The following MCF2L2 variants were observed in gnomAD, a reference collection of about 807,000 sequenced individuals.
MCF2L2 encodes the protein probable guanine nucleotide exchange factor MCF2L2.
Under a neutral mutation model 150.2 loss-of-function variants are expected in MCF2L2, and 102 were observed. The ratio of observed to expected loss-of-function variants is 0.68; its 90% CI spans 0.58 to 0.80. The LOEUF (loss-of-function observed/expected upper bound fraction) is 0.80, where lower values mean the gene tolerates loss of function less well. Among genes scored for constraint, MCF2L2 ranks in the 30% least tolerant of loss-of-function variants. The pLI is 0.00. For synonymous variants in MCF2L2, 465 were observed against 491.3 expected, an observed-to-expected ratio of 0.95 and a Z score of 0.71; for missense variants, 1,256 against 1,372.8, an observed-to-expected ratio of 0.91 and a Z score of 1.34.
intron 3 of MCF2L2, among the ~76,000 whole-genome samples, chr3:183,343,896 T>G (rs1239856313): frequency 5.9e-5 from 9 of 152,158 alleles, no homozygotes; most frequent in African/African-American, 2.2e-4. Flanking sequence ...ATTAGCCAGG[T>G]GCAGTGGCTC....
intron 15 of MCF2L2, among the ~76,000 whole-genome samples, chr3:183,231,638 T>C (rs1056878085): frequency 1.3e-5 from 2 of 151,630 alleles, no homozygotes; most frequent in Non-Finnish European, 2.9e-5. Context: ...TTTTTTTTTT[T>C]GGTAGAGATG....
chr3:183,271,168 G>T, intron 15 of MCF2L2: 1 of 368,646 alleles, frequency 2.7e-6, no homozygotes, highest in Non-Finnish European at 5.0e-6. Flanking sequence ...TATTATTAGT[G>T]AAAACAAAAC....
Position 183,311,006 on chromosome 3 carries a change from G to C in MCF2L2, c.902C>G (p.Thr301Arg). The change falls in exon 9 of 30, where the codon ACA becomes AGA. Residue 301 changes from threonine (T) to arginine (R), a missense_variant. Physicochemically the swap from Thr to Arg is moderately conservative, Grantham distance 71. Transcript: ENST00000328913. ...MERLLVQLDE[T>R]EKAFSHFWSE... is the part of the protein sequence containing the mutation. ...CCAAAAGTGACTAAAGGCTTTTTCTGTTTCATCCAGTTGAACTAATAACCT... is the reference window on the plus strand; with the variant it reads ...CCAAAAGTGACTAAAGGCTTTTTCTCTTTCATCCAGTTGAACTAATAACCT... 6 of 1,611,940 alleles carry C rather than the reference G, an allele frequency of 3.7e-6. No individual in the cohort carries two copies. Among genetic ancestry groups the C allele is most frequent in the Non-Finnish European group, 5.1e-6 (6 of 1,178,108 alleles).
At chr3:183,318,740 T>C (rs1036296830) in intron 6 of MCF2L2, among the ~76,000 whole-genome samples, 1 of 152,234 alleles carries the variant, frequency 6.6e-6, no homozygotes. Flanking sequence ...TTCTTTTGTG[T>C]CCTAGTGCAA....
chr3:183,251,484 T>G (rs1330144064), intron 15 of MCF2L2, among the ~76,000 whole-genome samples: 2 of 152,182 alleles, frequency 1.3e-5, no homozygotes, highest in African/African-American at 4.8e-5. Context: ...GTGCCTTATC[T>G]ATCCCTGCCG....
At chr3:183,425,955 CAAA>C (rs58526088) in intron 1 of MCF2L2, among the ~76,000 whole-genome samples, 3 of 138,196 alleles carry the variant, frequency 2.2e-5, no homozygotes, top group Admixed American at 7.4e-5. Flanking sequence ...AACTCCATCT[CAAA>C]AAAAAAAACA....
intron 3 of MCF2L2, chr3:183,378,515 C>T (rs1713324622): frequency 6.6e-6 from 1 of 152,210 alleles, no homozygotes; most frequent in Non-Finnish European, 1.5e-5. Context: ...ATCATGGGCT[C>T]AGCTACAAGC....
At chr3:183,370,705 A>G (rs949866379) in intron 3 of MCF2L2, among the ~76,000 whole-genome samples, 3 of 152,244 alleles carry the variant, frequency 2.0e-5, no homozygotes, top group Non-Finnish European at 2.9e-5. Flanking sequence ...CCTAGTTTTT[A>G]AATAGAGAAG....
intron 1 of MCF2L2, among the ~76,000 whole-genome samples, chr3:183,420,897 T>C (rs184778407): frequency 6.6e-6 from 1 of 152,240 alleles, no homozygotes; most frequent in East Asian, 1.9e-4. Context: ...CCTTAACATG[T>C]GGGGATTACA....
At chr3:183,193,357 C>CTTT (rs765523814) in intron 26 of MCF2L2, among the ~76,000 whole-genome samples, 7 of 139,454 alleles carry the variant, frequency 5.0e-5, no homozygotes, top group Non-Finnish European at 7.6e-5. Context: ...CTTTTTCTTT[C>CTTT]TTTTTTTTTT....
intron 25 of MCF2L2, among the ~76,000 whole-genome samples, chr3:183,196,770 C>T (rs1043655060): frequency 6.6e-6 from 1 of 152,170 alleles, no homozygotes. Context: ...GGCACAACAC[C>T]TCTGGGCCTT....
intron 1 of MCF2L2, among the ~76,000 whole-genome samples, chr3:183,407,953 G>C (rs1204575223): frequency 2.0e-5 from 3 of 152,148 alleles, no homozygotes; most frequent in Non-Finnish European, 2.9e-5. Context: ...TATGGGAGGT[G>C]CCAGTAAATT....
At chr3:183,323,657 G>A (rs1039460291) in intron 5 of MCF2L2, among the ~76,000 whole-genome samples, 4 of 151,794 alleles carry the variant, frequency 2.6e-5, no homozygotes, top group African/African-American at 4.8e-5. Context: ...AATTAGCCAG[G>A]CATGGTGGCA....
In MCF2L2 at chr3:183,270,520, A is replaced by G. The variant is rs558711608; in HGVS notation, c.1862+6352T>C. On this transcript the variant is annotated intron_variant, in intron 15 of 29. Transcript: ENST00000328913. This position sits in a 1 kb window ranked among gnomAD's most constrained non-coding sequence, Gnocchi z 4.5. ...AAAAGCAGCAAATACTACGTGTCCT[A>G]TGAAATGTACCAGTGGCCAGCTTAC... 15 of 1,614,164 alleles carry G rather than the reference A, an allele frequency of 9.3e-6. No homozygotes were observed. The East Asian group carries it at 1.3e-4, about 14-fold the overall frequency.
intron 3 of MCF2L2, among the ~76,000 whole-genome samples, chr3:183,344,171 T>C (rs1730813229): frequency 6.6e-6 from 1 of 151,260 alleles, no homozygotes; most frequent in South Asian, 2.1e-4. Flanking sequence ...TTGAAACTAG[T>C]ATTGGGTGAA....
At chr3:183,395,917 CAAAAAAAAAA>C (rs11338932) in intron 1 of MCF2L2, among the ~76,000 whole-genome samples, 2 of 58,100 alleles carry the variant, frequency 3.4e-5, no homozygotes, top group African/African-American at 1.4e-4. Flanking sequence ...GACATCGTCT[CAAAAAAAAAA>C]AAAAAAAAAA....
chr3:183,204,039 CAA>C (rs1330870992), intron 25 of MCF2L2, among the ~76,000 whole-genome samples: 1 of 152,240 alleles, frequency 6.6e-6, no homozygotes, highest in East Asian at 1.9e-4. Flanking sequence ...TCTTTTCAAT[CAA>C]TGGTTCTAGG....
At position 183,428,326 on chromosome 3, in the gene MCF2L2, G is replaced by A. The variant is rs1716279011; in HGVS notation, c.-349C>T. 8 of 292,592 alleles carry A rather than the reference G, an allele frequency of 2.7e-5. No homozygotes were observed. Among genetic ancestry groups the A allele is most frequent in the South Asian group, 2.2e-4 (6 of 27,174 alleles). The allele number at this position is 292,592 out of a possible 1,614,324, so 18.1% of individuals were successfully genotyped here. ...GGCTTCCAGAATCGCGGTCCCGGCC[G>A]CCAGGTTTCCGGCGCCGCCTCCAGG... On this transcript the variant is annotated 5_prime_UTR_variant, in exon 1 of 30. Transcript: ENST00000328913. The surrounding 1 kb of genome is among the most constrained non-coding windows in gnomAD (Gnocchi z 5.1).
chr3:183,224,169 A>AAT lies in MCF2L2; in HGVS notation c.2135_2136dup (p.Phe713IlefsTer49). 1 of 1,613,200 alleles carries AAT rather than the reference A, an allele frequency of 6.2e-7. No homozygotes were observed. Among genetic ancestry groups the AAT allele is most frequent in the Non-Finnish European group, 8.5e-7 (1 of 1,179,172 alleles). Reference sequence around the variant, plus strand: ...CGGGGCAGATTCTTATGGTATTTAAAATATATCTGAAGATCTTCTTTCTAG... The same window carrying AAT: ...CGGGGCAGATTCTTATGGTATTTAAAATATATATCTGAAGATCTTCTTTCTAG... On this transcript the variant is annotated frameshift_variant, in exon 19 of 30. Transcript: ENST00000328913. LOFTEE classifies it high-confidence loss of function.
Sources: gnomAD v4.1 joint callset for allele counts (sites outside exome capture counted in the v4.1 genomes callset) on GRCh38, gnomAD v4.1.1 for gene constraint, Gnocchi (gnomAD v3.1) non-coding constraint, MANE v1.5 for transcripts, NCBI Gene and HGNC (gene_info 2026-07-23, HGNC 2026-07-21) for gene names.